Variants in ANO3 observed in about 807,000 individuals in gnomAD.
ANO3 encodes anoctamin-3.
Under a neutral mutation model 144.8 loss-of-function variants are expected in ANO3, and 99 were observed. The observed-to-expected ratio is 0.68, with a 90% CI of 0.58 to 0.81. ANO3 has a LOEUF of 0.81. Among genes scored for constraint, ANO3 ranks in the 30% least tolerant of loss-of-function variants. The pLI, the probability that ANO3 is intolerant of heterozygous loss-of-function variation, is 0.00. For synonymous variants in ANO3, 414 were observed against 392.6 expected, an observed-to-expected ratio of 1.05 and a Z score of -0.64; for missense variants, 905 against 1,202.2, an observed-to-expected ratio of 0.75 and a Z score of 3.66.
intron 4 of ANO3, among the ~76,000 whole-genome samples, chr11:26,497,335 CT>C (rs1266587766): frequency 4.0e-5 from 6 of 151,762 alleles, no homozygotes; most frequent in East Asian, 3.9e-4. Context: ...TACAAATGTA[CT>C]TTTTTTGATA....
intron 1 of ANO3, among the ~76,000 whole-genome samples, chr11:26,248,292 C>T (rs539873033): frequency 3.3e-5 from 5 of 151,862 alleles, no homozygotes; most frequent in African/African-American, 4.8e-5. Flanking sequence ...GAGCCCAGAT[C>T]GCGCCACTGC....
intron 1 of ANO3, among the ~76,000 whole-genome samples, chr11:26,423,774 C>T (rs983674836): frequency 6.6e-6 from 1 of 151,920 alleles, no homozygotes; most frequent in African/African-American, 2.4e-5. Context: ...ATTTATACCA[C>T]GGGAAGTCAT....
At chr11:26,455,399 C>T (rs11029564) in intron 3 of ANO3, among the ~76,000 whole-genome samples, 139,185 of 149,020 alleles carry the variant, frequency 0.93, 65,156 homozygotes, top group East Asian at 0.99. Flanking sequence ...AATCAATGTA[C>T]AAAAATCACA....
intron 17 of ANO3, among the ~76,000 whole-genome samples, chr11:26,618,970 T>A (rs1260127206): frequency 6.6e-6 from 1 of 152,218 alleles, no homozygotes; most frequent in East Asian, 1.9e-4. Flanking sequence ...TCCAATCAGA[T>A]TCTTCTGAAG....
intron 4 of ANO3, among the ~76,000 whole-genome samples, chr11:26,480,347 CAAAAT>C (rs773233946): frequency 9.9e-5 from 15 of 152,050 alleles, no homozygotes; most frequent in African/African-American, 1.5e-4. Context: ...GAAAAAATGA[CAAAAT>C]AAACCTTTCA....
intron 1 of ANO3, among the ~76,000 whole-genome samples, chr11:26,388,536 C>A (rs528961268): frequency 6.6e-6 from 1 of 152,274 alleles, no homozygotes; most frequent in Non-Finnish European, 1.5e-5. Flanking sequence ...TTAAATATAA[C>A]AGGCAATAAT....
intron 1 of ANO3, among the ~76,000 whole-genome samples, chr11:26,380,829 A>G (rs1199239919): frequency 6.6e-6 from 1 of 152,110 alleles, no homozygotes; most frequent in Admixed American, 6.5e-5. Context: ...TAAAAATACA[A>G]AAATTAGCCG....
chr11:26,457,145 C>T (rs905177051), intron 3 of ANO3, among the ~76,000 whole-genome samples: 1 of 150,070 alleles, frequency 6.7e-6, no homozygotes, highest in Non-Finnish European at 1.5e-5. Context: ...TTAGTGGGTG[C>T]AGCGCACCAG....
At chr11:26,224,253 A>G (rs1222381072) in intron 1 of ANO3, among the ~76,000 whole-genome samples, 2 of 152,182 alleles carry the variant, frequency 1.3e-5, no homozygotes, top group Non-Finnish European at 2.9e-5. Context: ...CTGGATGCAC[A>G]GGGCCAACAG....
chr11:26,519,080 A>G (rs944874745), intron 6 of ANO3, among the ~76,000 whole-genome samples: 1 of 152,156 alleles, frequency 6.6e-6, no homozygotes, highest in African/African-American at 2.4e-5. Flanking sequence ...AGGATCCTTC[A>G]TCCTGCCCCA....
At chr11:26,320,642 T>C (rs1022817021) in intron 1 of ANO3, among the ~76,000 whole-genome samples, 4 of 152,204 alleles carry the variant, frequency 2.6e-5, no homozygotes, top group African/African-American at 4.8e-5. Context: ...CTGTATGGTT[T>C]AGTGCATAAA....
At chr11:26,658,466 C>T (rs1195942633) in intron 26 of ANO3, among the ~76,000 whole-genome samples, 1 of 70,970 alleles carries the variant, frequency 1.4e-5, no homozygotes, top group Non-Finnish European at 4.1e-5. Context: ...ACAAAATAGC[C>T]GGGTGCAGTG....
At chr11:26,384,975 C>A (rs2133954675) in intron 1 of ANO3, among the ~76,000 whole-genome samples, 1 of 152,308 alleles carries the variant, frequency 6.6e-6, no homozygotes, top group Admixed American at 6.5e-5. Context: ...GTGCCAAAAT[C>A]CTCTACCCTC....
intron 1 of ANO3, among the ~76,000 whole-genome samples, chr11:26,342,437 T>G (rs1185860206): frequency 1.3e-5 from 2 of 152,118 alleles, no homozygotes; most frequent in Non-Finnish European, 2.9e-5. Context: ...CTTTTTGTTT[T>G]GCTCATCTGC....
chr11:26,482,610 T>C (rs1860267137), intron 4 of ANO3, among the ~76,000 whole-genome samples: 1 of 152,212 alleles, frequency 6.6e-6, no homozygotes, highest in African/African-American at 2.4e-5. Context: ...TTTAACATTA[T>C]CTTTGTTTAT....
At position 26,449,753 on chromosome 11, in the gene ANO3, CTTTTTTT is replaced by C. The variant is rs78519382; in HGVS notation, c.313+5923_313+5929del. The stretch of plus-strand genomic sequence containing the variant: ...AACTCTTCTTAAGTAGTAGAATTGC[CTTTTTTT>C]TTTTTCTTTTGAGATGGTATTTTGC... On this transcript the variant is annotated intron_variant, in intron 3 of 26. Coordinates refer to ENST00000256737, the MANE Select transcript of ANO3 (RefSeq NM_031418.4). 2.7e-5 allele frequency among the ~76,000 whole-genome samples: 4 copies of C among 150,390 alleles called. No individual in the cohort carries two copies. The East Asian group carries it at 5.9e-4, about 22-fold the overall frequency.
chr11:26,311,607 T>C (rs1854502818), intron 1 of ANO3, among the ~76,000 whole-genome samples: 7 of 152,204 alleles, frequency 4.6e-5, no homozygotes, highest in African/African-American at 1.7e-4. Context: ...AGGAGAAGGA[T>C]AAGTTGCTAG....
intron 6 of ANO3, among the ~76,000 whole-genome samples, chr11:26,519,246 T>C (rs1358895957): frequency 6.6e-6 from 1 of 152,184 alleles, no homozygotes; most frequent in Non-Finnish European, 1.5e-5. Context: ...TGAATGAATA[T>C]GGTATAAAAT....
chr11:26,628,972 T>A (rs966450744), intron 18 of ANO3, among the ~76,000 whole-genome samples: 2 of 152,208 alleles, frequency 1.3e-5, no homozygotes, highest in East Asian at 3.9e-4. Flanking sequence ...TATACACAAG[T>A]GCTTATCCAG....
Sources: gnomAD v4.1 joint callset for allele counts (sites outside exome capture counted in the v4.1 genomes callset) on GRCh38, gnomAD v4.1.1 for gene constraint, MANE v1.5 for transcripts, NCBI Gene and HGNC (gene_info 2026-07-23, HGNC 2026-07-21) for gene names.